The following SSH3 variants were observed in gnomAD, a reference collection of about 807,000 sequenced individuals.
The protein encoded by SSH3 is protein phosphatase Slingshot homolog 3.
Under a neutral mutation model 75.0 loss-of-function variants are expected in SSH3, and 67 were observed. The observed-to-expected ratio is 0.89, with a 90% CI of 0.73 to 1.10. SSH3 has a LOEUF of 1.10. Ranked by LOEUF, SSH3 falls within the 50% of genes least tolerant of loss-of-function variation. SSH3 has a pLI of 0.00. For synonymous variants in SSH3, 318 were observed against 349.2 expected, an observed-to-expected ratio of 0.91 and a Z score of 1.00; for missense variants, 824 against 872.7, an observed-to-expected ratio of 0.94 and a Z score of 0.70.
chr11:67,304,208 C>A, intron 2 of SSH3, 53 bp downstream of exon 2: 2 of 1,411,052 alleles, frequency 1.4e-6, no homozygotes, highest in Non-Finnish European at 2.0e-6. Flanking sequence ...GGCCTGGCCA[C>A]GGCCGTCCTG....
chr11:67,307,048 C>T lies in SSH3; in HGVS notation c.471C>T (p.Pro157=). ...LGVDFPDSSS[P]SCTLGLVLPL... is the part of the protein sequence containing the mutation. ...TCCCTCTGTCCCCTGCCAGCTCCCC[C>T]AGCTGCACCCTGGGCCTGGTCTTGC... The change falls in exon 5 of 14, where the codon CCC becomes CCT. Residue 157 remains proline, a synonymous_variant. Transcript: ENST00000308127. This position sits in a 1 kb window ranked among gnomAD's most constrained non-coding sequence, Gnocchi z 4.2. 6.2e-7 allele frequency: 1 copy of T among 1,614,142 alleles called. No individual in the cohort carries two copies. Among genetic ancestry groups the T allele is most frequent in the Non-Finnish European group, 8.5e-7 (1 of 1,180,008 alleles).
At chr11:67,305,558 T>C (rs970774377) in intron 3 of SSH3, among the ~76,000 whole-genome samples, 2 of 152,158 alleles carry the variant, frequency 1.3e-5, no homozygotes, top group African/African-American at 4.8e-5. Context: ...AGGGGAGGTT[T>C]GTCCTGTGTG....
rs548768309 is a variant in SSH3, at chr11:67,307,710, T to A, written c.764T>A (p.Leu255Gln). ...EWTAMADLES[L>Q]RPPSAEPGGS... Reference sequence around the variant, plus strand: ...ACGGCTATGGCCGACCTGGAGTCTCTGCGGCCTCCCAGCGCCGAGCCTGGC... The same window carrying A: ...ACGGCTATGGCCGACCTGGAGTCTCAGCGGCCTCCCAGCGCCGAGCCTGGC... Residue 255 changes from leucine (L) to glutamine (Q), a missense_variant, in exon 7 of 14, where the codon CTG becomes CAG. Physicochemically the swap from Leu to Gln is moderately radical, Grantham distance 113 (BLOSUM62 -2). Transcript: ENST00000308127. The surrounding 1 kb of genome is among the most constrained non-coding windows in gnomAD (Gnocchi z 4.2). 1.2e-6 allele frequency: 2 copies of A among 1,613,932 alleles called. No individual in the cohort carries two copies. Among genetic ancestry groups the A allele is most frequent in the Non-Finnish European group, 1.7e-6 (2 of 1,180,008 alleles).
In SSH3 at chr11:67,308,928, A is replaced by T. The variant is rs1861333551; in HGVS notation, c.1062-469A>T. The stretch of plus-strand genomic sequence containing the variant: ...ACCCTGTCTCTAAAAAATAAGAAAA[A>T]AGAAAGAGAGAAAAAGCCTTTTCTC... On this transcript the variant is annotated intron_variant, in intron 10 of 13. Transcript: ENST00000308127. This position sits in a 1 kb window ranked among gnomAD's most constrained non-coding sequence, Gnocchi z 4.9. Among the ~76,000 whole-genome samples the T allele has an allele frequency of 6.6e-6, 1 of 152,020 alleles. No individual in the cohort carries two copies. The highest frequency in any genetic ancestry group is 2.4e-5 in the African/African-American group (1 of 41,388).
At position 67,308,223 on chromosome 11, in the gene SSH3, G is replaced by C; in HGVS notation, c.935G>C (p.Arg312Pro). 1 of 1,614,092 alleles carries C rather than the reference G, an allele frequency of 6.2e-7. No individual in the cohort carries two copies. Among genetic ancestry groups the C allele is most frequent in the South Asian group, 1.1e-5 (1 of 91,090 alleles). Residue 312 changes from arginine to proline, a missense_variant, in exon 9 of 14, where the codon CGT becomes CCT. Transcript: ENST00000308127. This position sits in a 1 kb window ranked among gnomAD's most constrained non-coding sequence, Gnocchi z 4.9. Reference protein sequence around the residue: ...LRLGLPLQQYRDFIDNQMLLL... With the variant: ...LRLGLPLQQYPDFIDNQMLLL... ...CTGGGGCTCCCCCTCCAGCAGTACC[G>C]TGACTTCATCGACAACCAGATGCTG...
chr11:67,307,401 C>G lies in SSH3; in HGVS notation c.567C>G (p.Ser189Arg). 2 of 1,614,042 alleles carry G rather than the reference C, an allele frequency of 1.2e-6. No individual in the cohort carries two copies. The highest frequency in any genetic ancestry group is 1.7e-6 in the Non-Finnish European group (2 of 1,180,030). ...GGFSVTSGGQSRIFKPISIQT... is the reference protein window; with the variant it reads ...GGFSVTSGGQRRIFKPISIQT... The stretch of plus-strand genomic sequence containing the variant: ...TCAGCGTGACGTCTGGTGGGCAAAG[C>G]CGGATCTTCAAGCCCATCTCCATCC... Residue 189 changes from serine (S) to arginine (R), a missense_variant, in exon 6 of 14, where the codon AGC becomes AGG. By Grantham distance (110) the Ser-to-Arg change is moderately radical. Coordinates refer to ENST00000308127, the MANE Select transcript of SSH3 (RefSeq NM_017857.4). This position sits in a 1 kb window ranked among gnomAD's most constrained non-coding sequence, Gnocchi z 4.2.
rs377490492 is a variant in SSH3 at position 67,308,327 on chromosome 11, A to G, written c.1014+25A>G. 6.2e-7 allele frequency: 1 copy of G among 1,613,720 alleles called. No homozygotes were observed. Among genetic ancestry groups the G allele is most frequent in the Non-Finnish European group, 8.5e-7 (1 of 1,179,678 alleles). Reference sequence around the variant, plus strand: ...GGTGAGCTTCAGCCAGGCCTGGGCCATGGGGACCGCTGGCAGCTGTGAGGG... The same window carrying G: ...GGTGAGCTTCAGCCAGGCCTGGGCCGTGGGGACCGCTGGCAGCTGTGAGGG... On this transcript the variant is annotated intron_variant, in intron 9 of 13. Transcript: ENST00000308127. The surrounding 1 kb of genome is among the most constrained non-coding windows in gnomAD (Gnocchi z 4.9).
chr11:67,305,271 C>T (rs1861207287), intron 3 of SSH3, among the ~76,000 whole-genome samples: 1 of 151,850 alleles, frequency 6.6e-6, no homozygotes, highest in African/African-American at 2.4e-5. Context: ...ACTGCAAGTT[C>T]CACCTCCCGG....
intron 3 of SSH3, among the ~76,000 whole-genome samples, chr11:67,305,646 T>A (rs1169025109): frequency 2.0e-5 from 3 of 152,142 alleles, no homozygotes; most frequent in Non-Finnish European, 4.4e-5. Context: ...AAGACTTTCC[T>A]GATGATGTGA....
Position 67,308,122 on chromosome 11 carries a change from G to A in SSH3, c.886-52G>A. ...CAGAGGTCCCAGAGGGAAGGTGGCAGGTTGGGCACTAGGAGAGCCCCAGCC... is the reference window on the plus strand; with the variant it reads ...CAGAGGTCCCAGAGGGAAGGTGGCAAGTTGGGCACTAGGAGAGCCCCAGCC... On this transcript the variant is annotated intron_variant, in intron 8 of 13. Coordinates refer to ENST00000308127, the MANE Select transcript of SSH3 (RefSeq NM_017857.4). This position sits in a 1 kb window ranked among gnomAD's most constrained non-coding sequence, Gnocchi z 4.9. 1 of 1,594,472 alleles carries A rather than the reference G, an allele frequency of 6.3e-7. No homozygotes were observed. Among genetic ancestry groups the A allele is most frequent in the Middle Eastern group, 2.0e-4 (1 of 5,096 alleles).
rs1342770661 is a variant in SSH3, at chr11:67,307,894, GA to G, written c.843del (p.Val282CysfsTer78). 1.2e-6 allele frequency: 2 copies of G among 1,614,256 alleles called. No homozygotes were observed. The highest frequency in any genetic ancestry group is 1.6e-4 in the Middle Eastern group (1 of 6,062). ...MEQAIRAELW[K>X]VLDVSDLESV... The stretch of plus-strand genomic sequence containing the variant: ...AGCAGGCGATCCGTGCTGAGCTGTG[GA>G]AAGTGTTGGATGTCAGTGACCTGGA... On this transcript the variant is annotated frameshift_variant, in exon 8 of 14. Transcript: ENST00000308127. The surrounding 1 kb of genome is among the most constrained non-coding windows in gnomAD (Gnocchi z 4.2).
chr11:67,312,161 T>G lies in SSH3; in HGVS notation c.*274T>G. ...GTGGTAGAGGGACTGAAGGTACCTT[T>G]GGGGGCAACAGCACCCTAGTTTCAT... is the stretch of plus-strand genomic sequence containing the variant. On this transcript the variant is annotated 3_prime_UTR_variant, in exon 14 of 14. Coordinates refer to ENST00000308127, the MANE Select transcript of SSH3 (RefSeq NM_017857.4). 3.8e-6 allele frequency: 2 copies of G among 526,208 alleles called. No homozygotes were observed. The highest frequency in any genetic ancestry group is 3.4e-6 in the Non-Finnish European group (1 of 298,486). 32.6% of individuals were successfully genotyped at this position (526,208 alleles called of 1,614,324 possible).
At position 67,312,105 on chromosome 11, in the gene SSH3, G is replaced by A. The variant is rs553730363; in HGVS notation, c.*218G>A. Reference sequence around the variant, plus strand: ...TTAAGTCCCAGGCCCATGTCTGCCTGTCCAAGGGCTCAAGACTTTCTAACT... The same window carrying A: ...TTAAGTCCCAGGCCCATGTCTGCCTATCCAAGGGCTCAAGACTTTCTAACT... On this transcript the variant is annotated 3_prime_UTR_variant, in exon 14 of 14. Coordinates refer to ENST00000308127, the MANE Select transcript of SSH3 (RefSeq NM_017857.4). The A allele has an allele frequency of 6.2e-6, 4 of 646,638 alleles. No homozygotes were observed. The highest frequency in any genetic ancestry group is 6.2e-5 in the Admixed American group (2 of 32,150). The allele number at this position is 646,638 out of a possible 1,614,324, so 40.1% of individuals were successfully genotyped here.
chr11:67,304,255 C>T, intron 2 of SSH3, 100 bp downstream of exon 2: 2 of 983,518 alleles, frequency 2.0e-6, no homozygotes, highest in South Asian at 1.5e-5. Flanking sequence ...CCCCGGAGGA[C>T]GCGCAGCGAA....
chr11:67,308,183 G>C lies in SSH3; in HGVS notation c.895G>C (p.Ala299Pro). Reference sequence around the variant, plus strand: ...TGGGCTCTGCCTGCAGATCCGCCAGGCTCTGGAGCTGCGCCTGGGGCTCCC... The same window carrying C: ...TGGGCTCTGCCTGCAGATCCGCCAGCCTCTGGAGCTGCGCCTGGGGCTCCC... ...ESVTSKEIRQ[A>P]LELRLGLPLQ... The change falls in exon 9 of 14, where the codon GCT becomes CCT. Residue 299 changes from alanine to proline, a missense_variant. Physicochemically the swap from Ala to Pro is conservative, Grantham distance 27. Transcript: ENST00000308127. The surrounding 1 kb of genome is among the most constrained non-coding windows in gnomAD (Gnocchi z 4.9). 1 of 1,613,512 alleles carries C rather than the reference G, an allele frequency of 6.2e-7. No individual in the cohort carries two copies. Among genetic ancestry groups the C allele is most frequent in the Non-Finnish European group, 8.5e-7 (1 of 1,179,864 alleles).
In SSH3 at chr11:67,303,616, G is replaced by A. The variant is rs1861127449; in HGVS notation, c.-10G>A. The A allele has an allele frequency of 1.3e-6, 2 of 1,518,392 alleles. No individual in the cohort carries two copies. Among genetic ancestry groups the A allele is most frequent in the Middle Eastern group, 1.9e-4 (1 of 5,298 alleles). 94.1% of individuals were successfully genotyped at this position (1,518,392 alleles called of 1,614,324 possible). A position where few individuals can be genotyped will look rare whatever the true frequency, so the allele number is the denominator to read the frequency against. ...CCCGGTGCCAGCCCAGGTGCTCGCG[G>A]CCTGGCTCCATGGCCCTGGTCACAG... On this transcript the variant is annotated 5_prime_UTR_variant, in exon 1 of 14. Transcript: ENST00000308127.
At chr11:67,304,278 A>C in intron 2 of SSH3, 123 bp downstream of exon 2, 4 of 758,252 alleles carry the variant, frequency 5.3e-6, no homozygotes, top group Admixed American at 3.0e-5. Flanking sequence ...CCACTGCCAA[A>C]TTTGTGGGGC....
chr11:67,304,601 G>A (rs1590882251), intron 2 of SSH3, among the ~76,000 whole-genome samples, 172 bp from the exon 3 acceptor site: 1 of 152,234 alleles, frequency 6.6e-6, no homozygotes, highest in Admixed American at 6.5e-5. Context: ...CCAAGGGGCC[G>A]AGGGGTTAGA....
At chr11:67,309,216 GA>G (rs1293017124) in intron 10 of SSH3, 180 bp from the exon 11 acceptor site, 1 of 696,558 alleles carries the variant, frequency 1.4e-6, no homozygotes, top group Non-Finnish European at 2.4e-6. Flanking sequence ...AGCAGGGCAA[GA>G]TGATTGGTCT....
Sources: gnomAD v4.1 joint callset for allele counts (sites outside exome capture counted in the v4.1 genomes callset) on GRCh38, gnomAD v4.1.1 for gene constraint, Gnocchi (gnomAD v3.1) non-coding constraint, MANE v1.5 for transcripts, NCBI Gene and HGNC (gene_info 2026-07-23, HGNC 2026-07-21) for gene names.